The following ASPA variants were observed in gnomAD, a reference collection of about 807,000 sequenced individuals.
ASPA encodes the protein aspartoacylase.
In ASPA, 25 loss-of-function variants were observed where a neutral mutation model predicts 29.6. The observed-to-expected ratio is 0.85, with a 90% CI of 0.62 to 1.18. The LOEUF (loss-of-function observed/expected upper bound fraction) is 1.18. Ranked by LOEUF, ASPA falls within the 50% of genes most tolerant of loss-of-function variation. The pLI is 0.00. For missense variants in ASPA, 333 were observed against 385.7 expected (o/e 0.86, Z 1.14); for synonymous variants, 131 against 130.3 (o/e 1.01, Z -0.04).
rs1205850350 is a variant in ASPA, at chr17:3,490,548, A to ACT, written c.634+1207_634+1208dup. Among the ~76,000 whole-genome samples the ACT allele has an allele frequency of 2.0e-5, 3 of 152,088 alleles. No individual in the cohort carries two copies. The highest frequency in any genetic ancestry group is 2.9e-5 in the Non-Finnish European group (2 of 68,022). On this transcript the variant is annotated intron_variant, in intron 4 of 5. Transcript: ENST00000263080. The surrounding 1 kb of genome is among the most constrained non-coding windows in gnomAD (Gnocchi z 4.6). ...CTCAACCTCAGATCGTGCGCACCCC[A>ACT]CTGCAATCACAGACATTCGTTTTGT...
chr17:3,480,622 A>G (rs2073611096), intron 1 of ASPA, among the ~76,000 whole-genome samples: 2 of 152,330 alleles, frequency 1.3e-5, no homozygotes, highest in South Asian at 4.1e-4. Context: ...GAGGTTCAGA[A>G]TCTTGCGGCC....
chr17:3,474,928 C>T (rs970989746), upstream of ASPA, among the ~76,000 whole-genome samples: 2 of 152,196 alleles, frequency 1.3e-5, no homozygotes, highest in Non-Finnish European at 2.9e-5. Flanking sequence ...CCTGCAGAAC[C>T]TTAACTGAGT....
At chr17:3,493,560 CAAAAAAAAAA>C (rs746229421) in intron 4 of ASPA, among the ~76,000 whole-genome samples, 11 of 56,384 alleles carry the variant, frequency 2.0e-4, no homozygotes, top group East Asian at 1.1e-3. Context: ...GGTTCCATCT[CAAAAAAAAAA>C]AAAAAAAAAA....
At chr17:3,475,678 A>G (rs2073510780), upstream of ASPA, 1 of 176,612 alleles carries the variant, frequency 5.7e-6, no homozygotes, top group South Asian at 1.3e-4. Context: ...AACTCATTTC[A>G]GAGAAGAAAT....
At chr17:3,476,476 T>C in intron 1 of ASPA, 81 bp downstream of exon 1, 1 of 1,270,730 alleles carries the variant, frequency 7.9e-7, no homozygotes, top group Non-Finnish European at 1.1e-6. Context: ...CATATATGTA[T>C]ATGCAGATGA....
chr17:3,483,614 C>T (rs985009064), intron 3 of ASPA, 22 bp downstream of exon 3: 1 of 1,565,834 alleles, frequency 6.4e-7, no homozygotes, highest in South Asian at 1.1e-5. Context: ...TTCCCACTGT[C>T]ATAACTCAAT....
upstream of ASPA, chr17:3,475,984 A>G: frequency 1.6e-6 from 1 of 635,478 alleles, no homozygotes; most frequent in South Asian, 1.9e-5. Flanking sequence ...GGGAGTGTCC[A>G]TAAACGGGGC....
chr17:3,484,526 G>A (rs1369539271), intron 3 of ASPA, among the ~76,000 whole-genome samples: 3 of 152,086 alleles, frequency 2.0e-5, no homozygotes, highest in African/African-American at 7.2e-5. Context: ...GTGTTTGGGG[G>A]AGGAAAGGAA....
rs2073517098 is a variant in ASPA, at chr17:3,476,093, A to C, written c.-67A>C. On this transcript the variant is annotated 5_prime_UTR_variant, in exon 1 of 6. Coordinates refer to ENST00000263080, the MANE Select transcript of ASPA (RefSeq NM_000049.4). ...TCATTTACATTTCTAAACCTTTCTTAAGAAAATCGAATTTCCTTTGATCTC... is the reference window on the plus strand; with the variant it reads ...TCATTTACATTTCTAAACCTTTCTTCAGAAAATCGAATTTCCTTTGATCTC... 6.9e-7 allele frequency: 1 copy of C among 1,449,960 alleles called. No homozygotes were observed. The allele number at this position is 1,449,960 out of a possible 1,614,324, so 89.8% of individuals were successfully genotyped here.
At position 3,501,025 on chromosome 17, in the gene ASPA, T is replaced by C. The variant is rs1432572195; in HGVS notation, c.*1937T>C. On this transcript the variant is annotated 3_prime_UTR_variant, in exon 6 of 6. Transcript: ENST00000263080. ...TGTTACCCAAGAGCTCTGCTGGAGA[T>C]GTGCGAAGAGATTAGCATTGTTTTC... is the stretch of plus-strand genomic sequence containing the variant. The C allele has an allele frequency of 6.6e-6, 1 of 152,150 alleles. No homozygotes were observed. Among genetic ancestry groups the C allele is most frequent in the Non-Finnish European group, 1.5e-5 (1 of 68,032 alleles). The allele number at this position is 152,150 out of a possible 1,614,324, so 9.4% of individuals were successfully genotyped here. A position where few individuals can be genotyped will look rare whatever the true frequency, so the allele number is the denominator to read the frequency against.
upstream of ASPA, chr17:3,475,438 ATAAG>A (rs888384819): frequency 2.6e-5 from 4 of 152,356 alleles, no homozygotes; most frequent in African/African-American, 9.6e-5. Context: ...AGGAAGATTC[ATAAG>A]TAAGTTAACA....
chr17:3,477,496 C>G (rs1323159786), intron 1 of ASPA, among the ~76,000 whole-genome samples: 5 of 152,056 alleles, frequency 3.3e-5, no homozygotes, highest in Non-Finnish European at 7.3e-5. Context: ...TCTTGTTGCC[C>G]AGTCTGGAGT....
intron 3 of ASPA, among the ~76,000 whole-genome samples, chr17:3,484,923 T>A (rs183034112): frequency 4.6e-5 from 7 of 152,320 alleles, no homozygotes; most frequent in East Asian, 1.9e-4. Context: ...CCTATCCCCT[T>A]CTGCAGGCTG....
At chr17:3,492,116 A>G (rs1197880392) in intron 4 of ASPA, among the ~76,000 whole-genome samples, 2 of 152,054 alleles carry the variant, frequency 1.3e-5, no homozygotes, top group Admixed American at 1.3e-4. Flanking sequence ...AGCTCAAGCA[A>G]TCTGCCTGCC....
chr17:3,492,819 G>A (rs962170825), intron 4 of ASPA, among the ~76,000 whole-genome samples: 1 of 152,122 alleles, frequency 6.6e-6, no homozygotes, highest in Non-Finnish European at 1.5e-5. Flanking sequence ...TGAGCTGTCA[G>A]CTTACCACAA....
intron 3 of ASPA, 37 bp from the exon 4 acceptor site, chr17:3,489,198 C>A: frequency 8.3e-7 from 1 of 1,207,504 alleles, no homozygotes; most frequent in African/African-American, 1.5e-5. Context: ...TATTTTCATA[C>A]TTATATAAAT....
Position 3,489,116 on chromosome 17 carries a change from G to A in ASPA, c.527-119G>A. On this transcript the variant is annotated intron_variant, in intron 3 of 5. Coordinates refer to ENST00000263080, the MANE Select transcript of ASPA (RefSeq NM_000049.4). Reference sequence around the variant, plus strand: ...TCAAATATTTTCCATGATGCTACATGGTTTACCTTTTTAATAATTTTAACA... The same window carrying A: ...TCAAATATTTTCCATGATGCTACATAGTTTACCTTTTTAATAATTTTAACA... 4.3e-6 allele frequency: 3 copies of A among 702,382 alleles called. No individual in the cohort carries two copies. The East Asian group carries it at 8.4e-5, about 20-fold the overall frequency. The allele number at this position is 702,382 out of a possible 1,614,324, so 43.5% of individuals were successfully genotyped here. A position where few individuals can be genotyped will look rare whatever the true frequency, so the allele number is the denominator to read the frequency against.
chr17:3,502,434 G>A lies in ASPA; in HGVS notation c.*3346G>A, dbSNP rs2074001109. 6.6e-6 allele frequency: 1 copy of A among 152,196 alleles called. No homozygotes were observed. Among genetic ancestry groups the A allele is most frequent in the South Asian group, 2.1e-4 (1 of 4,828 alleles). The allele number at this position is 152,196 out of a possible 1,614,324, so 9.4% of individuals were successfully genotyped here. On this transcript the variant is annotated 3_prime_UTR_variant, in exon 6 of 6. Coordinates refer to ENST00000263080, the MANE Select transcript of ASPA (RefSeq NM_000049.4). ...GTAATGTATAAGTGCTAGTAGAAAT[G>A]AGTTGTGCAGAATTGCTATTTTTTT...
At chr17:3,483,375 A>G (rs1006237485) in intron 2 of ASPA, 124 bp from the exon 3 acceptor site, 1 of 802,646 alleles carries the variant, frequency 1.2e-6, no homozygotes, top group Non-Finnish European at 2.2e-6. Context: ...AGTATTTCAT[A>G]AAGCTGTCTT....
Sources: allele counts gnomAD v4.1 joint callset (sites outside exome capture counted in the v4.1 genomes callset), GRCh38; gene constraint gnomAD v4.1.1; non-coding constraint Gnocchi (gnomAD v3.1); transcripts MANE v1.5; gene names NCBI Gene and HGNC (gene_info 2026-07-23, HGNC 2026-07-21).